Variants in AHDC1 observed in about 807,000 individuals in gnomAD.
The protein encoded by AHDC1 is transcription factor Gibbin.
In AHDC1, 7 loss-of-function variants were observed where a neutral mutation model predicts 87.9. The ratio of observed to expected loss-of-function variants is 0.08; its 90% CI spans 0.05 to 0.15. AHDC1 has a LOEUF of 0.15. Among genes scored for constraint, AHDC1 ranks in the 10% least tolerant of loss-of-function variants. AHDC1 has a pLI of 1.00. For synonymous variants in AHDC1, 1,051 were observed against 1,006.8 expected, an observed-to-expected ratio of 1.04 and a Z score of -0.83; for missense variants, 1,841 against 2,253.2, an observed-to-expected ratio of 0.82 and a Z score of 3.70.
intron 8 of AHDC1, among the ~76,000 whole-genome samples, chr1:27,539,138 C>CTTTT (rs112072152): frequency 8.0e-6 from 1 of 125,370 alleles, no homozygotes; most frequent in Non-Finnish European, 1.7e-5. Context: ...TTTTTCTTTT[C>CTTTT]TTTTTTTTTT....
chr1:27,586,059 G>A (rs1456733448), intron 3 of AHDC1, among the ~76,000 whole-genome samples: 1 of 152,206 alleles, frequency 6.6e-6, no homozygotes, highest in Non-Finnish European at 1.5e-5. Flanking sequence ...ACTGGGGTGG[G>A]GGAGAGGGGA....
chr1:27,547,955 G>T lies in AHDC1; in HGVS notation c.4161C>A (p.Pro1387=). Residue 1387 remains proline (P), a synonymous_variant, in exon 8 of 9, where the codon CCC becomes CCA. Transcript: ENST00000673934. The surrounding 1 kb of genome is among the most constrained non-coding windows in gnomAD (Gnocchi z 4.9). ...TCTGCAGGCCGGCGTCAAACACCGT[G>T]GGTGGGTGGGCCAGCGGTGGGAAAT... is the stretch of plus-strand genomic sequence containing the variant. ...GKHFPPLAHP[P]TVFDAGLQKA... is the part of the protein sequence containing the mutation. 4 of 1,596,518 alleles carry T rather than the reference G, an allele frequency of 2.5e-6. No individual in the cohort carries two copies. Among genetic ancestry groups the T allele is most frequent in the Non-Finnish European group, 3.4e-6 (4 of 1,168,752 alleles).
chr1:27,572,571 C>T (rs370439531), intron 3 of AHDC1, among the ~76,000 whole-genome samples: 36 of 152,232 alleles, frequency 2.4e-4, no homozygotes, highest in African/African-American at 8.0e-4. Context: ...AACACCCCTA[C>T]AGATACCCCC....
rs985726456 is a variant in AHDC1 at position 27,603,442 on chromosome 1, G to A, written c.-674C>T. 2 of 152,868 alleles carry A rather than the reference G, an allele frequency of 1.3e-5. No individual in the cohort carries two copies. Among genetic ancestry groups the A allele is most frequent in the Non-Finnish European group, 2.9e-5 (2 of 68,492 alleles). 9.5% of individuals were successfully genotyped at this position (152,868 alleles called of 1,614,324 possible). A position where few individuals can be genotyped will look rare whatever the true frequency, so the allele number is the denominator to read the frequency against. ...TCCGTGGGTCCGAGCCAGGCGAGGGGTTTTGGGGGACGTCTGTCTTCCGGC... is the reference window on the plus strand; with the variant it reads ...TCCGTGGGTCCGAGCCAGGCGAGGGATTTTGGGGGACGTCTGTCTTCCGGC... On this transcript the variant is annotated 5_prime_UTR_variant, in exon 3 of 9. Transcript: ENST00000673934.
At chr1:27,594,973 T>C (rs1012801330) in intron 3 of AHDC1, among the ~76,000 whole-genome samples, 1 of 151,854 alleles carries the variant, frequency 6.6e-6, no homozygotes, top group Non-Finnish European at 1.5e-5. Flanking sequence ...TGAGGAAAAG[T>C]ACCGGAGCTG....
At position 27,590,051 on chromosome 1, in the gene AHDC1, G is replaced by A. The variant is rs1042101177; in HGVS notation, c.-629+13346C>T. Among the ~76,000 whole-genome samples, 10 of 152,186 alleles carry A rather than the reference G, an allele frequency of 6.6e-5. No individual in the cohort carries two copies. The highest frequency in any genetic ancestry group is 2.4e-4 in the African/African-American group (10 of 41,464). ...TCCTGGGCCCCCTGCCCCACCCACTGCTGAGGAGAGCCCTGCCCTGAGATG... is the reference window on the plus strand; with the variant it reads ...TCCTGGGCCCCCTGCCCCACCCACTACTGAGGAGAGCCCTGCCCTGAGATG... On this transcript the variant is annotated intron_variant, in intron 3 of 8. Transcript: ENST00000673934. The surrounding 1 kb of genome is among the most constrained non-coding windows in gnomAD (Gnocchi z 5.4).
At chr1:27,540,923 T>TC (rs919334421) in intron 8 of AHDC1, among the ~76,000 whole-genome samples, 6 of 142,716 alleles carry the variant, frequency 4.2e-5, no homozygotes, top group African/African-American at 1.3e-4. Context: ...AGCAATGGAG[T>TC]CACAGGAGCA....
At chr1:27,578,556 T>C (rs2088821500) in intron 3 of AHDC1, among the ~76,000 whole-genome samples, 1 of 151,320 alleles carries the variant, frequency 6.6e-6, no homozygotes, top group South Asian at 2.1e-4. Flanking sequence ...GCCACTGCAC[T>C]CCAGTGAGGG....
intron 3 of AHDC1, among the ~76,000 whole-genome samples, chr1:27,580,457 G>A (rs371894168): frequency 1.3e-5 from 2 of 152,158 alleles, no homozygotes; most frequent in South Asian, 4.2e-4. Context: ...CTATCTCCAC[G>A]GCTTTCTTTG....
chr1:27,548,385 G>A lies in AHDC1; in HGVS notation c.3731C>T (p.Ala1244Val). Residue 1244 changes from alanine to valine, a missense_variant, in exon 8 of 9, where the codon GCC becomes GTC. Around this residue, in one of 13 missense-constraint regions of AHDC1, gnomAD observed 505 missense variants for 626.2 expected, o/e 0.81. Coordinates refer to ENST00000673934, the MANE Select transcript of AHDC1 (RefSeq NM_001371928.1). ...GRRKKVDLFE[A>V]SHLGFPTSAS... Reference sequence around the variant, plus strand: ...GGATGTCGGGAAGCCCAGATGTGAGGCCTCGAACAGGTCCACCTTCTTCCG... The same window carrying A: ...GGATGTCGGGAAGCCCAGATGTGAGACCTCGAACAGGTCCACCTTCTTCCG... The A allele has an allele frequency of 6.2e-7, 1 of 1,607,978 alleles. No homozygotes were observed. Among genetic ancestry groups the A allele is most frequent in the Non-Finnish European group, 8.5e-7 (1 of 1,175,426 alleles).
At chr1:27,592,013 G>A (rs766710945) in intron 3 of AHDC1, among the ~76,000 whole-genome samples, 27 of 152,296 alleles carry the variant, frequency 1.8e-4, no homozygotes, top group Non-Finnish European at 3.1e-4. Flanking sequence ...CCTTGAGCCA[G>A]GTCAGGACCC....
chr1:27,575,941 C>A (rs2088726500), intron 3 of AHDC1, among the ~76,000 whole-genome samples: 1 of 151,790 alleles, frequency 6.6e-6, no homozygotes, highest in South Asian at 2.1e-4. Flanking sequence ...CCGTCGCGAT[C>A]CGGGTCGGGC....
At chr1:27,542,333 T>C (rs1290984486) in intron 8 of AHDC1, among the ~76,000 whole-genome samples, 2 of 152,164 alleles carry the variant, frequency 1.3e-5, no homozygotes, top group African/African-American at 2.4e-5. Context: ...CTAGGTGCTA[T>C]CACAAAGCCT....
rs1386100259 is a variant in AHDC1 at position 27,565,035 on chromosome 1, T to TG, written c.-628-6153dup. On this transcript the variant is annotated intron_variant, in intron 3 of 8. Coordinates refer to ENST00000673934, the MANE Select transcript of AHDC1 (RefSeq NM_001371928.1). The surrounding 1 kb of genome is among the most constrained non-coding windows in gnomAD (Gnocchi z 4.6). The stretch of plus-strand genomic sequence containing the variant: ...CCTAGCCCCTGGGGGTGGCTGGAGC[T>TG]GGGGGGCCCTGGGGGACTGAGTAAA... Among the ~76,000 whole-genome samples the TG allele has an allele frequency of 6.6e-6, 1 of 152,240 alleles. No homozygotes were observed. Among genetic ancestry groups the TG allele is most frequent in the African/African-American group, 2.4e-5 (1 of 41,544 alleles).
chr1:27,548,042 G>A lies in AHDC1; in HGVS notation c.4074C>T (p.Thr1358=), dbSNP rs764454493. Residue 1358 remains threonine (T), a synonymous_variant, in exon 8 of 9, where the codon ACC becomes ACT. Transcript: ENST00000673934. The part of the protein sequence containing the change: ...SMNPSTPSDG[T]FGQGFHCDSP... ...AGTCGCAGTGGAAGCCTTGGCCAAA[G>A]GTGCCATCGGAAGGCGTGGACGGGT... 1 of 1,612,540 alleles carries A rather than the reference G, an allele frequency of 6.2e-7. No homozygotes were observed. The highest frequency in any genetic ancestry group is 8.5e-7 in the Non-Finnish European group (1 of 1,178,882).
chr1:27,593,159 G>C lies in AHDC1; in HGVS notation c.-629+10238C>G, dbSNP rs1299554309. 6.6e-6 allele frequency among the ~76,000 whole-genome samples: 1 copy of C among 152,082 alleles called. No homozygotes were observed. Among genetic ancestry groups the C allele is most frequent in the African/African-American group, 2.4e-5 (1 of 41,416 alleles). ...TCAGGGAAGGCCCCTAGGGTCCCGG[G>C]CTCCCTCCAGGGCTGGCTGGGGCAG... On this transcript the variant is annotated intron_variant, in intron 3 of 8. Coordinates refer to ENST00000673934, the MANE Select transcript of AHDC1 (RefSeq NM_001371928.1). The surrounding 1 kb of genome is among the most constrained non-coding windows in gnomAD (Gnocchi z 4.9).
intron 3 of AHDC1, among the ~76,000 whole-genome samples, chr1:27,578,117 T>C (rs1050519217): frequency 5.3e-5 from 8 of 152,176 alleles, no homozygotes; most frequent in African/African-American, 1.9e-4. Context: ...CTGTCCAACA[T>C]GGTAGCCACT....
chr1:27,579,421 T>C (rs1571314226), intron 3 of AHDC1, among the ~76,000 whole-genome samples: 1 of 152,256 alleles, frequency 6.6e-6, no homozygotes, highest in Non-Finnish European at 1.5e-5. Flanking sequence ...TGAATCTAGG[T>C]TCAGCCAGAG....
intron 3 of AHDC1, among the ~76,000 whole-genome samples, chr1:27,587,205 G>A (rs1434146671): frequency 6.6e-6 from 1 of 152,218 alleles, no homozygotes; most frequent in African/African-American, 2.4e-5. Context: ...GGAAGACAAG[G>A]CATTTTGTTT....
Sources: allele counts gnomAD v4.1 joint callset (sites outside exome capture counted in the v4.1 genomes callset), GRCh38; gene constraint gnomAD v4.1.1; regional missense constraint gnomAD v4.1.1; non-coding constraint Gnocchi (gnomAD v3.1); transcripts MANE v1.5; gene names NCBI Gene and HGNC (gene_info 2026-07-23, HGNC 2026-07-21).